STK3: variants seen among roughly 807,000 people sequenced by gnomAD.
The protein encoded by STK3 is serine/threonine-protein kinase 3.
A neutral mutation model predicts 58.0 loss-of-function variants in STK3; 41 were observed. The observed-to-expected ratio is 0.71, with a 90% CI of 0.55 to 0.92. The LOEUF is 0.92. Among genes scored for constraint, STK3 ranks in the 40% least tolerant of loss-of-function variants. STK3 has a pLI of 0.00. For synonymous variants in STK3, 170 were observed against 191.0 expected (o/e 0.89, Z 0.91); for missense variants, 479 against 602.7 (o/e 0.79, Z 2.15).
rs186742636 is a variant in STK3, at chr8:98,479,411, C to T, written c.1318-23411G>A. Among the ~76,000 whole-genome samples the T allele has an allele frequency of 2.2e-3, 301 of 137,448 alleles. 1 individual carries two copies. Among genetic ancestry groups the T allele is most frequent in the Non-Finnish European group, 3.6e-3 (239 of 65,668 alleles). The allele number at this position is 137,448 out of a possible 152,430, so 90.2% of individuals were successfully genotyped here. A position where few individuals can be genotyped will look rare whatever the true frequency, so the allele number is the denominator to read the frequency against. ...CTGAGGCAGCAGAATTGCTTGAGTC[C>T]GGGAGGTGGAGGTTGCCGTGAGCCA... On this transcript the variant is annotated intron_variant, in intron 10 of 10. Transcript: ENST00000419617.
At chr8:98,655,794 T>A (rs1821445756) in intron 6 of STK3, among the ~76,000 whole-genome samples, 1 of 152,076 alleles carries the variant, frequency 6.6e-6, no homozygotes, top group Non-Finnish European at 1.5e-5. Context: ...AGACACCATC[T>A]CACACCAGTT....
intron 3 of STK3, among the ~76,000 whole-genome samples, chr8:98,853,586 T>G (rs1209589133): frequency 6.6e-6 from 1 of 152,238 alleles, no homozygotes; most frequent in Non-Finnish European, 1.5e-5. Context: ...TATTGCTCCA[T>G]GGGTTGCTGA....
At chr8:98,606,852 C>T (rs1003085235) in intron 6 of STK3, among the ~76,000 whole-genome samples, 2 of 152,162 alleles carry the variant, frequency 1.3e-5, no homozygotes, top group Non-Finnish European at 2.9e-5. Context: ...ATAGTTCTTT[C>T]CTGAATTCTG....
chr8:98,434,635 C>A (rs972688711), intron 2 of STK3, among the ~76,000 whole-genome samples: 1 of 152,174 alleles, frequency 6.6e-6, no homozygotes, highest in African/African-American at 2.4e-5. Flanking sequence ...CAGCTGGCAG[C>A]TGATGCATTC....
At chr8:98,770,406 T>C (rs1831232232) in intron 2 of STK3, among the ~76,000 whole-genome samples, 1 of 152,108 alleles carries the variant, frequency 6.6e-6, no homozygotes, top group African/African-American at 2.4e-5. Flanking sequence ...GAGAACAAAT[T>C]CTAAGATTTC....
At chr8:98,444,416 A>G (rs1409683755) in intron 1 of STK3, among the ~76,000 whole-genome samples, 1 of 152,186 alleles carries the variant, frequency 6.6e-6, no homozygotes, top group African/African-American at 2.4e-5. Context: ...ATGCTGGCAG[A>G]TGGAGCAGGG....
downstream of STK3, among the ~76,000 whole-genome samples, chr8:98,451,771 T>G (rs1215221365): frequency 6.6e-6 from 1 of 151,960 alleles, no homozygotes; most frequent in Non-Finnish European, 1.5e-5. Context: ...CTCAGTGGCA[T>G]CAGACTGCCC....
At chr8:98,366,056 G>A in the STK3 span, among the ~76,000 whole-genome samples, 3 of 152,230 alleles carry the variant, frequency 2.0e-5, no homozygotes, top group Non-Finnish European at 4.4e-5. Context: ...ACAAGTGTTT[G>A]CAATTTTATT....
At chr8:98,613,320 C>T (rs1817345592) in intron 6 of STK3, among the ~76,000 whole-genome samples, 2 of 152,034 alleles carry the variant, frequency 1.3e-5, no homozygotes, top group African/African-American at 2.4e-5. Context: ...CCAAAAATTA[C>T]TCATCAGACC....
At chr8:98,815,322 G>GA (rs952039110) in intron 1 of STK3, among the ~76,000 whole-genome samples, 1 of 152,104 alleles carries the variant, frequency 6.6e-6, no homozygotes. Context: ...TAGTTTGAAA[G>GA]AAAAAATCAG....
chr8:98,834,722 C>T (rs1835684966), intron 3 of STK3, among the ~76,000 whole-genome samples: 1 of 152,078 alleles, frequency 6.6e-6, no homozygotes, highest in African/African-American at 2.4e-5. Flanking sequence ...TGAGGGTAGC[C>T]CTTATGACTT....
chr8:98,575,766 C>G (rs1563756126), intron 8 of STK3, among the ~76,000 whole-genome samples: 1 of 151,896 alleles, frequency 6.6e-6, no homozygotes, highest in Non-Finnish European at 1.5e-5. Context: ...GCCACCGCAC[C>G]CAGCTTCTAT....
At chr8:98,385,349 T>C (rs1294789439) in intron 1 of STK3, among the ~76,000 whole-genome samples, 1 of 152,088 alleles carries the variant, frequency 6.6e-6, no homozygotes, top group Non-Finnish European at 1.5e-5. Context: ...GCAGTAGAAA[T>C]GGCTACATGG....
At chr8:98,870,135 G>A (rs1476126216) in intron 3 of STK3, among the ~76,000 whole-genome samples, 24 of 152,064 alleles carry the variant, frequency 1.6e-4, no homozygotes, top group Admixed American at 1.6e-3. Context: ...CAGAATGATG[G>A]TTTCTAGCTT....
downstream of STK3, chr8:98,880,719 G>A (rs569779133): frequency 1.2e-4 from 19 of 152,220 alleles, no homozygotes; most frequent in African/African-American, 3.4e-4. Context: ...ATAAGCATAC[G>A]AAAAGAAGTT....
Position 98,895,187 on chromosome 8 carries a change from G to A in STK3, c.-78-11353C>T, listed in dbSNP as rs145673128. 4.6e-4 allele frequency among the ~76,000 whole-genome samples: 70 copies of A among 152,212 alleles called. 1 individual carries two copies. Among genetic ancestry groups the A allele is most frequent in the Middle Eastern group, 3.4e-3 (1 of 294 alleles). On this transcript the variant is annotated intron_variant, in intron 1 of 1. Transcript: ENST00000519420. ...AAGGGATTAAAGTGTATGGTATGGCGCAATGTTTCTCAACTGTTATTTCCA... is the reference window on the plus strand; with the variant it reads ...AAGGGATTAAAGTGTATGGTATGGCACAATGTTTCTCAACTGTTATTTCCA...
At chr8:98,705,169 C>A (rs1335427040) in intron 6 of STK3, among the ~76,000 whole-genome samples, 2 of 152,058 alleles carry the variant, frequency 1.3e-5, no homozygotes, top group African/African-American at 4.8e-5. Flanking sequence ...TGCTGTAATC[C>A]CAGCACTTTG....
intron 6 of STK3, among the ~76,000 whole-genome samples, chr8:98,620,247 A>G (rs1196633528): frequency 5.2e-5 from 6 of 114,858 alleles, no homozygotes; most frequent in South Asian, 3.3e-4. Flanking sequence ...ATTCTCACTC[A>G]TAGGTGGGAA....
the STK3 span, among the ~76,000 whole-genome samples, chr8:98,362,634 G>A: frequency 1.3e-5 from 2 of 152,192 alleles, no homozygotes; most frequent in African/African-American, 4.8e-5. Flanking sequence ...CCCAGATCTA[G>A]GGCAAAGGCT....
Sources: gnomAD v4.1 joint callset for allele counts (sites outside exome capture counted in the v4.1 genomes callset) on GRCh38, gnomAD v4.1.1 for gene constraint, MANE v1.5 for transcripts, NCBI Gene and HGNC (gene_info 2026-07-23, HGNC 2026-07-21) for gene names.